The following PCDHGA11 variants were observed in gnomAD, a reference collection of about 807,000 sequenced individuals.
The protein encoded by PCDHGA11 is protocadherin gamma-A11.
In PCDHGA11, 39 loss-of-function variants were observed where a neutral mutation model predicts 60.4. That is an observed-to-expected ratio of 0.65 (90% confidence interval 0.50 to 0.84). The LOEUF (loss-of-function observed/expected upper bound fraction) is 0.84, where lower values mean the gene tolerates loss of function less well. Among genes scored for constraint, PCDHGA11 ranks in the 40% least tolerant of loss-of-function variants. The pLI is 0.00. For synonymous variants in PCDHGA11, 533 were observed against 510.3 expected, an observed-to-expected ratio of 1.04 and a Z score of -0.60; for missense variants, 1,165 against 1,197.7, an observed-to-expected ratio of 0.97 and a Z score of 0.40.
intron 1 of PCDHGA11, chr5:141,429,251 A>C (rs2097199889): frequency 6.6e-6 from 1 of 151,884 alleles, no homozygotes; most frequent in Non-Finnish European, 1.5e-5. Context: ...GAGATATTTT[A>C]ATTGAGGAAT....
chr5:141,423,100 G>C lies in PCDHGA11; in HGVS notation c.1873G>C (p.Gly625Arg), dbSNP rs2096709499. The change falls in exon 1 of 4, where the codon GGC becomes CGC. Residue 625 changes from glycine to arginine, a missense_variant. Gly to Arg is a moderately radical substitution (Grantham distance 125). Coordinates refer to ENST00000398587, the MANE Select transcript of PCDHGA11 (RefSeq NM_018914.3). ...PGLFAVGEHT[G>R]EVRTARALLD... ...ACTCTTCGCGGTGGGGGAGCACACG[G>C]GCGAGGTGCGTACAGCGCGGGCACT... 1 of 1,613,944 alleles carries C rather than the reference G, an allele frequency of 6.2e-7. No homozygotes were observed. Among genetic ancestry groups the C allele is most frequent in the Non-Finnish European group, 8.5e-7 (1 of 1,180,008 alleles).
At position 141,487,501 on chromosome 5, in the gene PCDHGA11, T is replaced by C. The variant is rs746285663; in HGVS notation, c.2434-7306T>C. 1.2e-6 allele frequency: 2 copies of C among 1,614,232 alleles called. No individual in the cohort carries two copies. The highest frequency in any genetic ancestry group is 3.3e-5 in the Admixed American group (2 of 60,028). ...ACTCTCATGGCTGTACACCCTTGGC[T>C]TCTGCACCCACTCGGAGTGATAGCT... On this transcript the variant is annotated intron_variant, in intron 1 of 3. Coordinates refer to ENST00000398587, the MANE Select transcript of PCDHGA11 (RefSeq NM_018914.3). The surrounding 1 kb of genome is among the most constrained non-coding windows in gnomAD (Gnocchi z 5.0).
At chr5:141,509,081 A>G (rs1279221589) in intron 3 of PCDHGA11, among the ~76,000 whole-genome samples, 1 of 152,160 alleles carries the variant, frequency 6.6e-6, no homozygotes, top group African/African-American at 2.4e-5. Flanking sequence ...GATTTGCGAC[A>G]TGAAATGGGG....
intron 1 of PCDHGA11, among the ~76,000 whole-genome samples, chr5:141,434,195 T>C (rs1561872734): frequency 6.6e-6 from 1 of 151,916 alleles, no homozygotes; most frequent in Non-Finnish European, 1.5e-5. Flanking sequence ...AATTCCAATG[T>C]ACTTACTTCT....
intron 1 of PCDHGA11, among the ~76,000 whole-genome samples, chr5:141,483,945 ATTGTG>A (rs2099589210): frequency 8.3e-6 from 1 of 120,394 alleles, no homozygotes; most frequent in Non-Finnish European, 1.6e-5. Context: ...TACGGTGTGA[ATTGTG>A]TTGTGTTTCT....
chr5:141,477,573 C>T lies in PCDHGA11; in HGVS notation c.2434-17234C>T, dbSNP rs1593790046. The T allele has an allele frequency of 6.2e-7, 1 of 1,614,056 alleles. No individual in the cohort carries two copies. Among genetic ancestry groups the T allele is most frequent in the South Asian group, 1.1e-5 (1 of 91,086 alleles). ...AACCTAAGTGTCTGGGACCCCGACGCCCCGCAGAATGCTCGGCTTTCTTTC... is the reference window on the plus strand; with the variant it reads ...AACCTAAGTGTCTGGGACCCCGACGTCCCGCAGAATGCTCGGCTTTCTTTC... On this transcript the variant is annotated intron_variant, in intron 1 of 3. Coordinates refer to ENST00000398587, the MANE Select transcript of PCDHGA11 (RefSeq NM_018914.3). This position sits in a 1 kb window ranked among gnomAD's most constrained non-coding sequence, Gnocchi z 4.9.
In PCDHGA11 at chr5:141,477,143, G is replaced by T; in HGVS notation, c.2434-17664G>T. On this transcript the variant is annotated intron_variant, in intron 1 of 3. Transcript: ENST00000398587. The surrounding 1 kb of genome is among the most constrained non-coding windows in gnomAD (Gnocchi z 4.9). The stretch of plus-strand genomic sequence containing the variant: ...ACATTGCAAAGTGTTGGTGGAGGTT[G>T]TGGATGTGAATGACAACGCCCCGGA... The T allele has an allele frequency of 6.2e-7, 1 of 1,614,198 alleles. No homozygotes were observed. The highest frequency in any genetic ancestry group is 8.5e-7 in the Non-Finnish European group (1 of 1,180,036).
chr5:141,449,724 A>AT (rs911465424), intron 1 of PCDHGA11, among the ~76,000 whole-genome samples: 1 of 151,176 alleles, frequency 6.6e-6, no homozygotes, highest in African/African-American at 2.4e-5. Context: ...ATATGATATG[A>AT]TTTTTTTATG....
chr5:141,506,666 C>A (rs894880559), intron 3 of PCDHGA11, among the ~76,000 whole-genome samples: 2 of 152,120 alleles, frequency 1.3e-5, no homozygotes, highest in South Asian at 4.1e-4. Context: ...AGAGTAAGGG[C>A]ACAATATATT....
At position 141,489,207 on chromosome 5, in the gene PCDHGA11, A is replaced by T; in HGVS notation, c.2434-5600A>T. The T allele has an allele frequency of 6.9e-7, 1 of 1,452,692 alleles. No homozygotes were observed. The highest frequency in any genetic ancestry group is 9.3e-7 in the Non-Finnish European group (1 of 1,073,586). 90.0% of individuals were successfully genotyped at this position (1,452,692 alleles called of 1,614,324 possible). ...GGGTCTACCTTGGAGACAGGACAGC[A>T]CAGACTTACTCTCCACAAAGGGACT... On this transcript the variant is annotated intron_variant, in intron 1 of 3. Transcript: ENST00000398587. The surrounding 1 kb of genome is among the most constrained non-coding windows in gnomAD (Gnocchi z 4.5).
In PCDHGA11 at chr5:141,486,444, T is replaced by C. The variant is rs769032995; in HGVS notation, c.2434-8363T>C. 2 of 1,614,086 alleles carry C rather than the reference T, an allele frequency of 1.2e-6. No individual in the cohort carries two copies. On this transcript the variant is annotated intron_variant, in intron 1 of 3. Transcript: ENST00000398587. This position sits in a 1 kb window ranked among gnomAD's most constrained non-coding sequence, Gnocchi z 5.0. ...GAGGCCAAATCTAGCTATGACATCA[T>C]GGTCACTGCTTCTGATGCTGGGAAC...
At chr5:141,459,845 T>C (rs914128032) in intron 1 of PCDHGA11, among the ~76,000 whole-genome samples, 1 of 152,232 alleles carries the variant, frequency 6.6e-6, no homozygotes, top group Admixed American at 6.5e-5. Flanking sequence ...TCTATTTGTA[T>C]ATCTTCTTGA....
At chr5:141,492,578 G>A (rs1380328678) in intron 1 of PCDHGA11, among the ~76,000 whole-genome samples, 1 of 152,216 alleles carries the variant, frequency 6.6e-6, no homozygotes, top group Non-Finnish European at 1.5e-5. Flanking sequence ...CGAGGCGCGG[G>A]GCCAGGAGCG....
rs780436102 is a variant in PCDHGA11, at chr5:141,431,846, G to A, written c.2433+8186G>A. 1 of 1,614,274 alleles carries A rather than the reference G, an allele frequency of 6.2e-7. No individual in the cohort carries two copies. Among genetic ancestry groups the A allele is most frequent in the South Asian group, 1.1e-5 (1 of 91,088 alleles). On this transcript the variant is annotated intron_variant, in intron 1 of 3. Coordinates refer to ENST00000398587, the MANE Select transcript of PCDHGA11 (RefSeq NM_018914.3). The surrounding 1 kb of genome is among the most constrained non-coding windows in gnomAD (Gnocchi z 4.8). ...CTCGGTTCCCGAAAACTCTCCCAGA[G>A]GGACATTAATTGCCCTTTTAAATGT...
intron 1 of PCDHGA11, among the ~76,000 whole-genome samples, chr5:141,439,532 C>T (rs1030997598): frequency 6.6e-6 from 1 of 152,202 alleles, no homozygotes; most frequent in Admixed American, 6.5e-5. Context: ...CTACAGAACG[C>T]TGTCCTCTCA....
At position 141,421,841 on chromosome 5, in the gene PCDHGA11, AAG is replaced by A; in HGVS notation, c.617_618del (p.Glu206GlyfsTer32). ...CTGGAGGGAAGCCTGGACCGAGAGA[AAG>A]AGGCTGCTCACCTGCTCCTCCTCAC... On this transcript the variant is annotated frameshift_variant, in exon 1 of 4. Transcript: ENST00000398587. LOFTEE classifies it high-confidence loss of function. The A allele has an allele frequency of 6.2e-7, 1 of 1,613,750 alleles. No individual in the cohort carries two copies.
intron 2 of PCDHGA11, among the ~76,000 whole-genome samples, chr5:141,497,540 CT>C (rs754207034): frequency 0.18 from 24,498 of 134,808 alleles, 2,020 homozygotes; most frequent in African/African-American, 0.21. Flanking sequence ...TGCAACAAAC[CT>C]TTTTTTTTTT....
chr5:141,499,404 T>G (rs1468724077), intron 2 of PCDHGA11, among the ~76,000 whole-genome samples: 3 of 152,178 alleles, frequency 2.0e-5, no homozygotes, highest in African/African-American at 7.2e-5. Context: ...ACATGCTCAT[T>G]ATAGAAACAT....
At chr5:141,497,677 C>T in intron 2 of PCDHGA11, among the ~76,000 whole-genome samples, 1 of 151,836 alleles carries the variant, frequency 6.6e-6, no homozygotes, top group East Asian at 1.9e-4. Context: ...GTAGCTGGGA[C>T]AGCAGGTGTG....
Sources: gnomAD v4.1 joint callset for allele counts (sites outside exome capture counted in the v4.1 genomes callset) on GRCh38, gnomAD v4.1.1 for gene constraint, Gnocchi (gnomAD v3.1) non-coding constraint, MANE v1.5 for transcripts, NCBI Gene and HGNC (gene_info 2026-07-23, HGNC 2026-07-21) for gene names.